EYS: variants seen among roughly 807,000 people sequenced by gnomAD.
EYS encodes the protein EGF-like photoreceptor maintenance factor, also known as protein eyes shut homolog.
EYS carries 250 observed loss-of-function variants against 282.1 expected under a neutral mutation model. The observed-to-expected ratio is 0.89, with a 90% CI of 0.80 to 0.98. EYS has a LOEUF of 0.98. EYS is among the 50% of genes least tolerant of loss of function. The pLI is 0.00. For missense variants in EYS, 4,016 were observed against 3,709.0 expected (o/e 1.08, Z -2.15); for synonymous variants, 1,355 against 1,282.9 (o/e 1.06, Z -1.20).
chr6:63,741,463 T>C (rs1370570383), intron 41 of EYS, among the ~76,000 whole-genome samples: 1 of 152,230 alleles, frequency 6.6e-6, no homozygotes, highest in Admixed American at 6.5e-5. Flanking sequence ...GGATAAATGA[T>C]ATGGAATATC....
intron 30 of EYS, among the ~76,000 whole-genome samples, chr6:64,276,212 G>A (rs1768112595): frequency 6.6e-6 from 1 of 152,128 alleles, no homozygotes; most frequent in Non-Finnish European, 1.5e-5. Context: ...TTGGCTAAGT[G>A]CTAAGTTTCT....
intron 22 of EYS, among the ~76,000 whole-genome samples, chr6:64,771,764 C>T (rs1170661879): frequency 6.6e-6 from 1 of 151,700 alleles, no homozygotes; most frequent in African/African-American, 2.4e-5. Context: ...TTATCTTGTG[C>T]TTTCATACAT....
intron 33 of EYS, among the ~76,000 whole-genome samples, chr6:64,066,003 C>T (rs971829753): frequency 4.6e-5 from 7 of 152,108 alleles, no homozygotes; most frequent in African/African-American, 1.4e-4. Context: ...GTGGCTCATG[C>T]CCGTAATCCC....
chr6:65,350,958 A>T (rs1764250061), intron 9 of EYS, among the ~76,000 whole-genome samples: 1 of 151,786 alleles, frequency 6.6e-6, no homozygotes, highest in South Asian at 2.1e-4. Context: ...AATTACCAGC[A>T]TGATTTTAAA....
chr6:63,793,603 C>T (rs559355888), intron 37 of EYS, among the ~76,000 whole-genome samples: 2 of 152,248 alleles, frequency 1.3e-5, no homozygotes, highest in South Asian at 2.1e-4. Flanking sequence ...TGGTGACTTT[C>T]TAAGTTAAGC....
chr6:65,363,182 A>G (rs968016198), intron 8 of EYS, among the ~76,000 whole-genome samples: 1 of 137,996 alleles, frequency 7.2e-6, no homozygotes. Flanking sequence ...ACTCATTTAA[A>G]ATGATATTAA....
At chr6:64,131,042 A>G (rs191013043) in intron 31 of EYS, among the ~76,000 whole-genome samples, 561 of 151,948 alleles carry the variant, frequency 3.7e-3, no homozygotes, top group Non-Finnish European at 5.7e-3. Context: ...TAATTTTTGT[A>G]TTTTTAGTAG....
At chr6:65,416,501 A>T (rs1767242528) in intron 5 of EYS, among the ~76,000 whole-genome samples, 1 of 152,034 alleles carries the variant, frequency 6.6e-6, no homozygotes, top group African/African-American at 2.4e-5. Context: ...AAATTATCTA[A>T]GTAATTTTTA....
chr6:64,690,113 A>C (rs1770318879), intron 22 of EYS, among the ~76,000 whole-genome samples: 1 of 151,866 alleles, frequency 6.6e-6, no homozygotes, highest in African/African-American at 2.4e-5. Flanking sequence ...TCTACAAAGA[A>C]CTCAAACAAA....
chr6:64,304,289 T>C lies in EYS; in HGVS notation c.6191+2681A>G, dbSNP rs55806404. On this transcript the variant is annotated intron_variant, in intron 30 of 42. Coordinates refer to ENST00000503581, the MANE Select transcript of EYS (RefSeq NM_001142800.2). ...GCTGATTACAGATTATCAAAATATA[T>C]GAAGCAAAAAAGACAGAATTTAAGG... Among the ~76,000 whole-genome samples, 938 of 152,028 alleles carry C rather than the reference T, an allele frequency of 6.2e-3. 7 individuals are homozygous for C. The highest frequency in any genetic ancestry group is 0.012 in the Non-Finnish European group (787 of 67,976).
chr6:64,499,787 T>C (rs1776984577), intron 26 of EYS, among the ~76,000 whole-genome samples: 1 of 152,252 alleles, frequency 6.6e-6, no homozygotes, highest in Non-Finnish European at 1.5e-5. Context: ...CAATAAGTTA[T>C]GTTAATAAGA....
At chr6:63,727,541 C>T (rs779288305) in intron 41 of EYS, among the ~76,000 whole-genome samples, 16 of 148,818 alleles carry the variant, frequency 1.1e-4, no homozygotes, top group African/African-American at 3.5e-4. Flanking sequence ...GAATGCAAAG[C>T]GCTATACCTC....
At chr6:63,854,361 A>G (rs986184317) in intron 36 of EYS, among the ~76,000 whole-genome samples, 4 of 152,104 alleles carry the variant, frequency 2.6e-5, no homozygotes, top group Non-Finnish European at 5.9e-5. Flanking sequence ...GGAACAGAAA[A>G]CCAAACTCCA....
intron 12 of EYS, among the ~76,000 whole-genome samples, chr6:65,139,242 T>C (rs1027789899): frequency 6.6e-6 from 1 of 152,058 alleles, no homozygotes; most frequent in African/African-American, 2.4e-5. Context: ...CATGGAATAC[T>C]ATGCAGCCAT....
At chr6:65,126,071 T>C (rs747563255) in intron 12 of EYS, among the ~76,000 whole-genome samples, 1 of 152,154 alleles carries the variant, frequency 6.6e-6, no homozygotes, top group Non-Finnish European at 1.5e-5. Flanking sequence ...AATTGGACAC[T>C]CTAGTGAGAC....
At chr6:64,004,487 CA>C (rs1456725842) in intron 33 of EYS, among the ~76,000 whole-genome samples, 2 of 150,790 alleles carry the variant, frequency 1.3e-5, no homozygotes, top group Non-Finnish European at 2.9e-5. Flanking sequence ...ATTTTAGGTT[CA>C]GGGGTACCTG....
At chr6:63,804,254 G>A (rs1240657359) in intron 37 of EYS, among the ~76,000 whole-genome samples, 1 of 152,190 alleles carries the variant, frequency 6.6e-6, no homozygotes, top group Non-Finnish European at 1.5e-5. Flanking sequence ...GACCTCAGGT[G>A]ATCCACCCAC....
At chr6:65,324,210 C>T (rs1172634496) in intron 11 of EYS, among the ~76,000 whole-genome samples, 1 of 152,030 alleles carries the variant, frequency 6.6e-6, no homozygotes, top group African/African-American at 2.4e-5. Context: ...GTATTTGTTA[C>T]CACCTGGCTT....
intron 13 of EYS, among the ~76,000 whole-genome samples, chr6:65,044,671 C>T (rs1189389588): frequency 6.6e-6 from 1 of 151,798 alleles, no homozygotes; most frequent in Non-Finnish European, 1.5e-5. Context: ...CATACCCCAC[C>T]TCAATGTATT....
Sources: gnomAD v4.1 joint callset for allele counts (sites outside exome capture counted in the v4.1 genomes callset) on GRCh38, gnomAD v4.1.1 for gene constraint, MANE v1.5 for transcripts, NCBI Gene and HGNC (gene_info 2026-07-23, HGNC 2026-07-21) for gene names.